The following NAA25 variants were observed in gnomAD, a reference collection of about 807,000 sequenced individuals.
The protein encoded by NAA25 is N-terminal acetyltransferase B complex subunit NAA25.
A neutral mutation model predicts 132.5 loss-of-function variants in NAA25; 30 were observed. The ratio of observed to expected loss-of-function variants is 0.23; its 90% CI spans 0.17 to 0.31. The LOEUF (loss-of-function observed/expected upper bound fraction) is 0.31. Ranked by LOEUF, NAA25 falls within the 10% of genes least tolerant of loss-of-function variation. The pLI is 1.00. For missense variants in NAA25, 771 were observed against 1,150.4 expected (o/e 0.67, Z 4.77); for synonymous variants, 359 against 401.9 (o/e 0.89, Z 1.28).
chr12:112,095,005 C>A (rs967968977), intron 1 of NAA25, among the ~76,000 whole-genome samples: 4 of 152,078 alleles, frequency 2.6e-5, no homozygotes, highest in Non-Finnish European at 5.9e-5. Flanking sequence ...GGAGACCCAC[C>A]ATAAAATTGT....
chr12:112,065,423 C>T (rs1217814223), intron 11 of NAA25: 2 of 151,636 alleles, frequency 1.3e-5, no homozygotes, highest in African/African-American at 2.4e-5. Context: ...CTCTTGAACC[C>T]GAGAGGCAGA....
intron 1 of NAA25, 114 bp downstream of exon 1, chr12:112,108,602 C>G (rs566329894): frequency 4.4e-6 from 5 of 1,139,976 alleles, no homozygotes; most frequent in South Asian, 8.7e-5. Flanking sequence ...GGCCCGCCCC[C>G]CTGCGCCTGC....
intron 19 of NAA25, among the ~76,000 whole-genome samples, chr12:112,042,666 C>T (rs370871093): frequency 9.9e-5 from 15 of 152,168 alleles, no homozygotes; most frequent in African/African-American, 3.6e-4. Context: ...GCCACCTTGC[C>T]TCGCTAATTT....
intron 2 of NAA25, among the ~76,000 whole-genome samples, chr12:112,091,295 A>G (rs116147888): frequency 6.6e-6 from 1 of 151,680 alleles, no homozygotes; most frequent in Non-Finnish European, 1.5e-5. Flanking sequence ...ACTCATGCGT[A>G]TAACACTTTG....
At chr12:112,030,552 A>C (rs2078136043) in intron 23 of NAA25, among the ~76,000 whole-genome samples, 1 of 152,188 alleles carries the variant, frequency 6.6e-6, no homozygotes, top group Non-Finnish European at 1.5e-5. Flanking sequence ...ATGAGTTATT[A>C]TTTGCTGGCA....
intron 13 of NAA25, among the ~76,000 whole-genome samples, chr12:112,057,637 C>G (rs1287442254): frequency 6.6e-6 from 1 of 152,122 alleles, no homozygotes; most frequent in Non-Finnish European, 1.5e-5. Context: ...GACAGATCAC[C>G]TGAGGTCAGG....
At chr12:112,078,092 TG>T in intron 7 of NAA25, 95 bp downstream of exon 7, 1 of 786,592 alleles carries the variant, frequency 1.3e-6, no homozygotes, top group Non-Finnish European at 2.1e-6. Context: ...AAAGTGTTTA[TG>T]TCTTTATATC....
At chr12:112,104,491 C>A (rs1027558499) in intron 1 of NAA25, among the ~76,000 whole-genome samples, 3 of 152,122 alleles carry the variant, frequency 2.0e-5, no homozygotes, top group African/African-American at 7.2e-5. Context: ...TTTATTATCT[C>A]CCTCCATCCC....
At chr12:112,083,044 G>C (rs904042598) in intron 4 of NAA25, among the ~76,000 whole-genome samples, 1 of 152,122 alleles carries the variant, frequency 6.6e-6, no homozygotes, top group Admixed American at 6.6e-5. Context: ...ACAGAATAGA[G>C]AAGTGATATT....
intron 1 of NAA25, among the ~76,000 whole-genome samples, chr12:112,098,497 T>A (rs1346501619): frequency 1.3e-5 from 2 of 152,158 alleles, no homozygotes; most frequent in African/African-American, 4.8e-5. Flanking sequence ...AACAAGCCAA[T>A]AAAAACGATA....
At chr12:112,055,926 A>G (rs1321173361) in intron 13 of NAA25, among the ~76,000 whole-genome samples, 2 of 152,238 alleles carry the variant, frequency 1.3e-5, no homozygotes, top group Non-Finnish European at 2.9e-5. Context: ...TAGGCCGGGC[A>G]TAGTAGCTCA....
intron 1 of NAA25, among the ~76,000 whole-genome samples, chr12:112,099,284 G>A (rs1274814707): frequency 1.6e-5 from 2 of 124,324 alleles, no homozygotes; most frequent in Non-Finnish European, 3.0e-5. Flanking sequence ...TGTCGCACTC[G>A]GCCTTTTTTT....
chr12:112,079,740 T>G (rs1011706118), intron 5 of NAA25, among the ~76,000 whole-genome samples: 12 of 152,160 alleles, frequency 7.9e-5, no homozygotes, highest in African/African-American at 2.9e-4. Context: ...CTTTGGTCCC[T>G]GGGAGAAAAG....
In NAA25 at chr12:112,053,747, C is replaced by CA. The variant is rs1462763873; in HGVS notation, c.1629-91dup. On this transcript the variant is annotated intron_variant, in intron 14 of 23. Transcript: ENST00000261745. ...AAATATTACGCTTCAAATTACTTGG[C>CA]AAAAAAATAGCTAGGCATAAGAAAA... is the stretch of plus-strand genomic sequence containing the variant. 5 of 603,162 alleles carry CA rather than the reference C, an allele frequency of 8.3e-6. No individual in the cohort carries two copies. In the East Asian group the frequency reaches 1.3e-4, roughly 16 times the overall value. The allele number at this position is 603,162 out of a possible 1,614,324, so 37.4% of individuals were successfully genotyped here.
chr12:112,072,935 T>C (rs1251284782), intron 9 of NAA25, among the ~76,000 whole-genome samples: 3 of 151,200 alleles, frequency 2.0e-5, no homozygotes, highest in African/African-American at 7.3e-5. Flanking sequence ...CAAGACCCCA[T>C]CTCAAAAAGA....
intron 15 of NAA25, among the ~76,000 whole-genome samples, chr12:112,048,710 T>C (rs951653044): frequency 2.0e-5 from 3 of 152,208 alleles, no homozygotes; most frequent in African/African-American, 7.2e-5. Context: ...CAGTCATGTC[T>C]TTCAATTCAA....
rs1409568809 is a variant in NAA25, at chr12:112,078,706, T to C, written c.513A>G (p.Thr171=). The change falls in exon 6 of 24, where the codon ACA becomes ACG. Residue 171 remains threonine (T), a synonymous_variant. Transcript: ENST00000261745. The stretch of plus-strand genomic sequence containing the variant: ...TTCTCTCAGCAAGGGGCAGAAACAT[T>C]GTTTTTGAGAGGTTTTCATCCTGTG... ...ISAQDENLSK[T]MFLPLAERMV... The C allele has an allele frequency of 1.9e-6, 3 of 1,614,056 alleles. No individual in the cohort carries two copies. The highest frequency in any genetic ancestry group is 1.7e-5 in the Admixed American group (1 of 60,010).
At chr12:112,072,203 A>C (rs961379385) in intron 9 of NAA25, 139 bp from the exon 10 acceptor site, 3 of 653,490 alleles carry the variant, frequency 4.6e-6, no homozygotes, top group Non-Finnish European at 7.5e-6. Context: ...AAAGAGAACT[A>C]TGAACATATT....
chr12:112,075,131 G>A (rs980781154), intron 8 of NAA25, among the ~76,000 whole-genome samples: 7 of 151,980 alleles, frequency 4.6e-5, no homozygotes, highest in Admixed American at 1.3e-4. Flanking sequence ...AGAAATTAAT[G>A]ATTTTCAGTG....
Sources: gnomAD v4.1 joint callset for allele counts (sites outside exome capture counted in the v4.1 genomes callset) on GRCh38, gnomAD v4.1.1 for gene constraint, MANE v1.5 for transcripts, NCBI Gene and HGNC (gene_info 2026-07-23, HGNC 2026-07-21) for gene names.